The following NUP58 variants were observed in gnomAD, a reference collection of about 807,000 sequenced individuals.
NUP58 encodes the protein nucleoporin 58.
In NUP58, 17 loss-of-function variants were observed where a neutral mutation model predicts 70.1. The ratio of observed to expected loss-of-function variants is 0.24; its 90% CI spans 0.17 to 0.36. The LOEUF (loss-of-function observed/expected upper bound fraction) is 0.36. Ranked by LOEUF, NUP58 falls within the 10% of genes least tolerant of loss-of-function variation. The probability of loss-of-function intolerance (pLI) is 1.00; values close to 1 mark genes in which losing one functional copy is unlikely to be tolerated. For missense variants in NUP58, 644 were observed against 701.5 expected, an observed-to-expected ratio of 0.92 and a Z score of 0.93; for synonymous variants, 275 against 257.6, an observed-to-expected ratio of 1.07 and a Z score of -0.65.
chr13:25,332,860 A>C (rs935817007), intron 13 of NUP58: 5 of 985,310 alleles, frequency 5.1e-6, no homozygotes, highest in African/African-American at 1.7e-5. Flanking sequence ...TCTTAAAAGG[A>C]TTCAATCCCA....
chr13:25,324,039 G>A lies in NUP58; in HGVS notation c.952-950G>A, dbSNP rs552678674. Among the ~76,000 whole-genome samples the A allele has an allele frequency of 3.5e-4, 54 of 152,278 alleles. 1 individual carries two copies. In the South Asian group the frequency reaches 0.011, roughly 30 times the overall value. ...GTATCATGAACGAGGGTATGGGCATGTCTGAAGATCTACAAGCAGTTTAGT... is the reference window on the plus strand; with the variant it reads ...GTATCATGAACGAGGGTATGGGCATATCTGAAGATCTACAAGCAGTTTAGT... On this transcript the variant is annotated intron_variant, in intron 9 of 15. Transcript: ENST00000381736.
In NUP58 at chr13:25,307,211, AT is replaced by A. The variant is rs72132780; in HGVS notation, c.108-574del. On this transcript the variant is annotated intron_variant, in intron 1 of 15. Transcript: ENST00000381736. ...TGCTTTTCTTGAAATCTGGTATTGT[AT>A]TTTTTTTTTTTTTTTTTTTTGAGAG... 6.3e-3 allele frequency among the ~76,000 whole-genome samples: 620 copies of A among 98,558 alleles called. 13 individuals are homozygous for A. The East Asian group carries it at 0.1, about 16-fold the overall frequency. 64.7% of individuals were successfully genotyped at this position (98,558 alleles called of 152,430 possible).
chr13:25,338,446 C>T (rs1020676422), intron 14 of NUP58, among the ~76,000 whole-genome samples, 190 bp from the exon 15 acceptor site: 1 of 152,006 alleles, frequency 6.6e-6, no homozygotes, highest in Non-Finnish European at 1.5e-5. Context: ...TAGATATAAA[C>T]GTTTTATTTC....
intron 12 of NUP58, among the ~76,000 whole-genome samples, chr13:25,328,854 C>T (rs1412233704): frequency 6.6e-6 from 1 of 152,042 alleles, no homozygotes; most frequent in Non-Finnish European, 1.5e-5. Context: ...ATTCAAGCAG[C>T]GAAACCTGAG....
In NUP58 at chr13:25,327,500, T is replaced by C; in HGVS notation, c.1221T>C (p.His407=). 6.2e-7 allele frequency: 1 copy of C among 1,609,092 alleles called. No homozygotes were observed. Among genetic ancestry groups the C allele is most frequent in the Non-Finnish European group, 8.5e-7 (1 of 1,177,202 alleles). ...TAGCGGCACAACTTCAGTCTATTCATGAAAATGTAAAGGTAAGTTTTCATT... is the reference window on the plus strand; with the variant it reads ...TAGCGGCACAACTTCAGTCTATTCACGAAAATGTAAAGGTAAGTTTTCATT... ...VALAAQLQSI[H]ENVKVLKEQY... The change falls in exon 12 of 16, where the codon CAT becomes CAC. Residue 407 remains histidine (H), a synonymous_variant. Transcript: ENST00000381736.
intron 14 of NUP58, among the ~76,000 whole-genome samples, chr13:25,337,994 A>T (rs967582511): frequency 6.6e-6 from 1 of 152,170 alleles, no homozygotes; most frequent in African/African-American, 2.4e-5. Flanking sequence ...TGTGTGATGA[A>T]AAATACTTCT....
At chr13:25,337,265 G>A in intron 14 of NUP58, among the ~76,000 whole-genome samples, 1 of 152,030 alleles carries the variant, frequency 6.6e-6, no homozygotes, top group East Asian at 1.9e-4. Context: ...TAAGTGGTAG[G>A]CATGTTCATG....
rs1365260198 is a variant in NUP58, at chr13:25,342,238, ATATT to A, written c.*2108_*2111del. 1.3e-5 allele frequency: 2 copies of A among 152,716 alleles called. No homozygotes were observed. The highest frequency in any genetic ancestry group is 3.9e-4 in the East Asian group (2 of 5,192). 9.5% of individuals were successfully genotyped at this position (152,716 alleles called of 1,614,324 possible). On this transcript the variant is annotated 3_prime_UTR_variant, in exon 16 of 16. Transcript: ENST00000381736. ...ATTTCATTGTACTGCAAAAATCTGAATATTTATATTTCTTGTTTTTTTCTTTATA... is the reference window on the plus strand; with the variant it reads ...ATTTCATTGTACTGCAAAAATCTGAATATATTTCTTGTTTTTTTCTTTATA...
chr13:25,304,098 T>A (rs2030170836), intron 1 of NUP58, among the ~76,000 whole-genome samples: 1 of 152,174 alleles, frequency 6.6e-6, no homozygotes, highest in African/African-American at 2.4e-5. Context: ...AGTTGATGAG[T>A]GAGATGAAGT....
chr13:25,306,144 G>A (rs1254547924), intron 1 of NUP58, among the ~76,000 whole-genome samples: 1 of 152,074 alleles, frequency 6.6e-6, no homozygotes, highest in African/African-American at 2.4e-5. Flanking sequence ...GGTGGCTCAC[G>A]CCTGTAATCC....
At chr13:25,330,771 G>C (rs761180206) in intron 12 of NUP58, among the ~76,000 whole-genome samples, 24 of 152,000 alleles carry the variant, frequency 1.6e-4, no homozygotes, top group Non-Finnish European at 3.4e-4. Context: ...CATGAATCAA[G>C]TCTCATTGTA....
intron 13 of NUP58, chr13:25,333,511 G>A: frequency 1.0e-6 from 1 of 985,278 alleles, no homozygotes; most frequent in Non-Finnish European, 1.2e-6. Context: ...CAACCTTACA[G>A]TGTTTTCGCT....
intron 9 of NUP58, among the ~76,000 whole-genome samples, chr13:25,324,672 TTTATA>T (rs1164788016): frequency 6.6e-6 from 1 of 152,202 alleles, no homozygotes; most frequent in Non-Finnish European, 1.5e-5. Flanking sequence ...ATTTTCTGCG[TTTATA>T]TTAATGATTT....
At chr13:25,318,668 A>G (rs2031047724) in intron 6 of NUP58, among the ~76,000 whole-genome samples, 1 of 152,222 alleles carries the variant, frequency 6.6e-6, no homozygotes, top group Non-Finnish European at 1.5e-5. Flanking sequence ...GGTTTTCTTC[A>G]CCAAATATAA....
At chr13:25,326,891 C>G (rs1436036437) in intron 10 of NUP58, 25 bp from the exon 11 acceptor site, 1 of 1,322,290 alleles carries the variant, frequency 7.6e-7, no homozygotes, top group Admixed American at 2.1e-5. Context: ...AATATTTGAT[C>G]TGACTTTTTA....
At chr13:25,307,050 G>C (rs35172295) in intron 1 of NUP58, among the ~76,000 whole-genome samples, 4,265 of 152,142 alleles carry the variant, frequency 0.028, 77 homozygotes, top group Middle Eastern at 0.044. Flanking sequence ...GCAATGGAAA[G>C]CTAGTGAAGA....
Position 25,322,538 on chromosome 13 carries a change from C to T in NUP58, c.951+1445C>T, listed in dbSNP as rs551173905. ...ACAGGTGGAAAATTCCACACCTGAA[C>T]TCATGGGATAGGTTACAGTTAAAAC... On this transcript the variant is annotated intron_variant, in intron 9 of 15. Coordinates refer to ENST00000381736, the MANE Select transcript of NUP58 (RefSeq NM_014089.4). Among the ~76,000 whole-genome samples the T allele has an allele frequency of 9.2e-5, 14 of 152,282 alleles. No individual in the cohort carries two copies. The South Asian group carries it at 2.7e-3, about 29-fold the overall frequency.
At chr13:25,305,143 T>TG (rs1222389603) in intron 1 of NUP58, among the ~76,000 whole-genome samples, 5 of 10,306 alleles carry the variant, frequency 4.9e-4, no homozygotes, top group Non-Finnish European at 1.1e-3. Flanking sequence ...TTTTTTTTTT[T>TG]TTTTTTTTTT....
intron 12 of NUP58, among the ~76,000 whole-genome samples, chr13:25,329,063 C>T (rs928055630): frequency 6.6e-6 from 1 of 151,842 alleles, no homozygotes; most frequent in Non-Finnish European, 1.5e-5. Flanking sequence ...AAATTTTGTT[C>T]TAAAGGAGGA....
Sources: gnomAD v4.1 joint callset for allele counts (sites outside exome capture counted in the v4.1 genomes callset) on GRCh38, gnomAD v4.1.1 for gene constraint, MANE v1.5 for transcripts, NCBI Gene and HGNC (gene_info 2026-07-23, HGNC 2026-07-21) for gene names.